LSAMP: variants seen among roughly 807,000 people sequenced by gnomAD.
LSAMP encodes limbic system associated membrane protein.
A neutral mutation model predicts 38.6 loss-of-function variants in LSAMP; 7 were observed. That is an observed-to-expected ratio of 0.18 (90% CI 0.10 to 0.34). The LOEUF (loss-of-function observed/expected upper bound fraction) is 0.34, where lower values mean the gene tolerates loss of function less well. Among genes scored for constraint, LSAMP ranks in the 10% least tolerant of loss-of-function variants. The pLI is 1.00. For missense variants in LSAMP, 313 were observed against 420.0 expected (o/e 0.75, Z 2.23); for synonymous variants, 154 against 166.8 (o/e 0.92, Z 0.59).
At chr3:116,373,775 G>C (rs958872447) in intron 1 of LSAMP, among the ~76,000 whole-genome samples, 2 of 151,788 alleles carry the variant, frequency 1.3e-5, no homozygotes, top group African/African-American at 4.8e-5. Flanking sequence ...AAGAAAAAAG[G>C]GATTCCAGTA....
At chr3:116,322,522 T>C (rs915992218) in intron 1 of LSAMP, among the ~76,000 whole-genome samples, 5 of 152,186 alleles carry the variant, frequency 3.3e-5, no homozygotes, top group Non-Finnish European at 7.4e-5. Context: ...ACACCACCCA[T>C]ATCTTAACAT....
intron 1 of LSAMP, among the ~76,000 whole-genome samples, chr3:116,089,694 C>A (rs1022114707): frequency 1.3e-5 from 2 of 151,874 alleles, no homozygotes; most frequent in Non-Finnish European, 2.9e-5. Flanking sequence ...AGATGGTTAG[C>A]CAAACTCCAA....
intron 2 of LSAMP, 50 bp downstream of exon 2, chr3:116,086,274 T>C (rs1336153304): frequency 5.8e-6 from 8 of 1,369,250 alleles, no homozygotes; most frequent in Admixed American, 1.7e-5. Flanking sequence ...ATTATTATTC[T>C]GCAACTCCCA....
intron 3 of LSAMP, among the ~76,000 whole-genome samples, chr3:115,864,120 C>A (rs887967025): frequency 6.6e-6 from 1 of 152,176 alleles, no homozygotes; most frequent in African/African-American, 2.4e-5. Context: ...AGCAGTGAGA[C>A]TTGAGCCTGG....
At chr3:116,120,288 C>T (rs1208820739) in intron 1 of LSAMP, among the ~76,000 whole-genome samples, 7 of 152,024 alleles carry the variant, frequency 4.6e-5, no homozygotes, top group East Asian at 3.9e-4. Flanking sequence ...AGCTAATTTA[C>T]GGCGTAAGAC....
intron 1 of LSAMP, among the ~76,000 whole-genome samples, chr3:116,217,093 A>G (rs922424699): frequency 6.6e-6 from 1 of 152,188 alleles, no homozygotes; most frequent in Non-Finnish European, 1.5e-5. Context: ...GTATTCTCCA[A>G]AGGCTGTTTT....
intron 2 of LSAMP, among the ~76,000 whole-genome samples, chr3:116,060,198 G>GTTTTTTTTTTTTTTTTTTTTTTTTT (rs55818433): frequency 7.0e-6 from 1 of 141,996 alleles, no homozygotes; most frequent in African/African-American, 2.7e-5. Flanking sequence ...AAGCAACATA[G>GTTTTTTTTTTTTTTTTTTTTTTTTT]TTTTTTTTTT....
chr3:116,274,068 A>G (rs988187925), intron 1 of LSAMP, among the ~76,000 whole-genome samples: 1 of 97,052 alleles, frequency 1.0e-5, no homozygotes, highest in African/African-American at 4.4e-5. Flanking sequence ...ATTATTTCAG[A>G]GGAGTTTTCT....
intron 1 of LSAMP, among the ~76,000 whole-genome samples, chr3:116,125,140 T>A (rs771013627): frequency 3.9e-5 from 6 of 152,166 alleles, no homozygotes; most frequent in Non-Finnish European, 8.8e-5. Flanking sequence ...GAGAATGGCT[T>A]CTCTTATAGG....
chr3:116,294,065 A>G (rs977426360), intron 1 of LSAMP, among the ~76,000 whole-genome samples: 1 of 152,096 alleles, frequency 6.6e-6, no homozygotes, highest in South Asian at 2.1e-4. Context: ...AATACATGAT[A>G]GAATGTGTAA....
chr3:116,445,255 T>C lies in LSAMP; in HGVS notation c.-224A>G, dbSNP rs1391781534. ...AAAACCCAAGCAGAAGGGTGAAAAG[T>C]AAAAGCAACACAATTTCAAAAGAGA... On this transcript the variant is annotated 5_prime_UTR_variant, in exon 1 of 7. Coordinates refer to ENST00000490035, the MANE Select transcript of LSAMP (RefSeq NM_002338.5). 1.7e-6 allele frequency: 1 copy of C among 589,044 alleles called. No individual in the cohort carries two copies. Among genetic ancestry groups the C allele is most frequent in the South Asian group, 2.1e-5 (1 of 48,066 alleles). The allele number at this position is 589,044 out of a possible 1,614,324, so 36.5% of individuals were successfully genotyped here.
chr3:116,351,909 A>G (rs2048145687), intron 1 of LSAMP, among the ~76,000 whole-genome samples: 1 of 152,086 alleles, frequency 6.6e-6, no homozygotes, highest in Non-Finnish European at 1.5e-5. Context: ...CCTTATTTCA[A>G]TGTATTAATA....
At chr3:116,442,983 A>C (rs1027921896) in intron 1 of LSAMP, among the ~76,000 whole-genome samples, 1 of 152,232 alleles carries the variant, frequency 6.6e-6, no homozygotes, top group Admixed American at 6.5e-5. Context: ...ACTCTTAGAC[A>C]ACTGTAGTTT....
chr3:116,380,284 A>G (rs1199381556), intron 1 of LSAMP, among the ~76,000 whole-genome samples: 1 of 152,112 alleles, frequency 6.6e-6, no homozygotes, highest in Non-Finnish European at 1.5e-5. Flanking sequence ...ACTATTAGTT[A>G]TATGTCAAAA....
chr3:115,875,511 C>T (rs1192750208), intron 3 of LSAMP, among the ~76,000 whole-genome samples: 1 of 151,976 alleles, frequency 6.6e-6, no homozygotes, highest in Non-Finnish European at 1.5e-5. Context: ...ATGTGCTAGG[C>T]CTGTCACATA....
chr3:116,065,759 T>C (rs140320950), intron 2 of LSAMP, among the ~76,000 whole-genome samples: 18 of 152,326 alleles, frequency 1.2e-4, no homozygotes, highest in African/African-American at 3.6e-4. Flanking sequence ...ATATTCCTCC[T>C]CTGTCTAAGG....
intron 3 of LSAMP, among the ~76,000 whole-genome samples, chr3:115,919,674 C>T (rs918858310): frequency 2.6e-5 from 4 of 152,058 alleles, no homozygotes; most frequent in Non-Finnish European, 5.9e-5. Flanking sequence ...TGCAGTGGCG[C>T]GATCTTGGCT....
chr3:116,106,604 C>A (rs1366665214), intron 1 of LSAMP, among the ~76,000 whole-genome samples: 2 of 152,112 alleles, frequency 1.3e-5, no homozygotes, highest in Non-Finnish European at 2.9e-5. Flanking sequence ...TACTAAGAAC[C>A]TGAGAAAATG....
chr3:116,006,439 T>C (rs1559917311), intron 3 of LSAMP, among the ~76,000 whole-genome samples: 1 of 152,202 alleles, frequency 6.6e-6, no homozygotes, highest in Non-Finnish European at 1.5e-5. Flanking sequence ...GGTATTTGAT[T>C]ATAGCCCACA....
Sources: gnomAD v4.1 joint callset for allele counts (sites outside exome capture counted in the v4.1 genomes callset) on GRCh38, gnomAD v4.1.1 for gene constraint, MANE v1.5 for transcripts, NCBI Gene and HGNC (gene_info 2026-07-23, HGNC 2026-07-21) for gene names.